The following CCDC148 variants were observed in gnomAD, a reference collection of about 807,000 sequenced individuals.
CCDC148 encodes coiled-coil domain-containing protein 148.
Under a neutral mutation model 85.7 loss-of-function variants are expected in CCDC148, and 89 were observed. That is an observed-to-expected ratio of 1.04 (90% confidence interval 0.87 to 1.24). CCDC148 has a LOEUF of 1.24. Among genes scored for constraint, CCDC148 ranks in the 50% most tolerant of loss-of-function variants. The probability of loss-of-function intolerance (pLI) is 0.00; values close to 1 mark genes in which losing one functional copy is unlikely to be tolerated. For synonymous variants in CCDC148, 230 were observed against 213.9 expected, an observed-to-expected ratio of 1.08 and a Z score of -0.66; for missense variants, 692 against 671.7, an observed-to-expected ratio of 1.03 and a Z score of -0.33.
intron 12 of CCDC148, among the ~76,000 whole-genome samples, chr2:158,178,546 T>C (rs925963060): frequency 6.6e-6 from 1 of 152,184 alleles, no homozygotes; most frequent in African/African-American, 2.4e-5. Flanking sequence ...CCAGGTTTTT[T>C]GAGGACAGTA....
chr2:158,227,199 A>G (rs1215474450), intron 10 of CCDC148, among the ~76,000 whole-genome samples: 1 of 152,032 alleles, frequency 6.6e-6, no homozygotes, highest in African/African-American at 2.4e-5. Context: ...GTGAACTCCC[A>G]TTCACAATTG....
intron 7 of CCDC148, among the ~76,000 whole-genome samples, chr2:158,319,278 C>T (rs1404663885): frequency 1.3e-5 from 2 of 152,168 alleles, no homozygotes; most frequent in African/African-American, 4.8e-5. Context: ...TGAGCCCCAT[C>T]TCCAGCCCTG....
chr2:158,454,266 T>A (rs1430005551), intron 1 of CCDC148, among the ~76,000 whole-genome samples: 1 of 152,048 alleles, frequency 6.6e-6, no homozygotes, highest in Non-Finnish European at 1.5e-5. Flanking sequence ...GGTGGTAGGG[T>A]AGAAGGAAGG....
intron 1 of CCDC148, among the ~76,000 whole-genome samples, chr2:158,427,297 G>A (rs1687121640): frequency 6.6e-6 from 1 of 152,262 alleles, no homozygotes; most frequent in African/African-American, 2.4e-5. Context: ...AAACCACTGA[G>A]TAATTCATCC....
chr2:158,306,097 TGGAGGTAGATG>T (rs1363619487), intron 9 of CCDC148, among the ~76,000 whole-genome samples: 1 of 152,170 alleles, frequency 6.6e-6, no homozygotes, highest in Admixed American at 6.5e-5. Flanking sequence ...TGCCAAAGGC[TGGAGGTAGATG>T]AAGGGTTGAC....
intron 10 of CCDC148, among the ~76,000 whole-genome samples, chr2:158,224,070 A>C (rs1242627874): frequency 6.6e-6 from 1 of 152,082 alleles, no homozygotes; most frequent in Non-Finnish European, 1.5e-5. Context: ...AAAAACCTTG[A>C]AAAAAAATTA....
chr2:158,295,309 G>C (rs555384782), intron 9 of CCDC148, among the ~76,000 whole-genome samples: 158 of 152,108 alleles, frequency 1.0e-3, no homozygotes, highest in African/African-American at 3.7e-3. Context: ...GGAGGAACTG[G>C]AACCATTCCC....
intron 1 of CCDC148, among the ~76,000 whole-genome samples, chr2:158,438,064 G>C (rs914409459): frequency 6.6e-6 from 1 of 152,116 alleles, no homozygotes; most frequent in Admixed American, 6.6e-5. Flanking sequence ...GTAATTTATA[G>C]ATTCAATGCC....
At chr2:158,454,374 G>T (rs921396326) in intron 1 of CCDC148, among the ~76,000 whole-genome samples, 5 of 152,222 alleles carry the variant, frequency 3.3e-5, no homozygotes, top group Admixed American at 2.0e-4. Context: ...AATCAATAGA[G>T]CAAAATCCTG....
intron 11 of CCDC148, among the ~76,000 whole-genome samples, chr2:158,198,958 G>A (rs926833693): frequency 9.9e-5 from 15 of 152,258 alleles, no homozygotes; most frequent in African/African-American, 3.4e-4. Context: ...CTTTTTAAGG[G>A]AGGAGACCAA....
intron 11 of CCDC148, among the ~76,000 whole-genome samples, chr2:158,201,335 T>G (rs1385751981): frequency 6.6e-6 from 1 of 152,140 alleles, no homozygotes; most frequent in Non-Finnish European, 1.5e-5. Flanking sequence ...CAGTGAAGTT[T>G]AGGATTTCGT....
At chr2:158,452,318 G>A (rs1372830818) in intron 1 of CCDC148, among the ~76,000 whole-genome samples, 1 of 152,156 alleles carries the variant, frequency 6.6e-6, no homozygotes, top group Non-Finnish European at 1.5e-5. Flanking sequence ...GATAAATAAG[G>A]GTTGTCTAGT....
At position 158,213,698 on chromosome 2, in the gene CCDC148, T is replaced by A. The variant is rs181252197; in HGVS notation, c.1370+6897A>T. 9.9e-5 allele frequency among the ~76,000 whole-genome samples: 15 copies of A among 152,240 alleles called. No homozygotes were observed. In the East Asian group the frequency reaches 2.9e-3, roughly 29 times the overall value. On this transcript the variant is annotated intron_variant, in intron 11 of 13. Transcript: ENST00000283233. ...ACAAATGAGATATGACCGTTACATA[T>A]CCTAGCTTTCTACTCCTCCCTGTGT...
At chr2:158,290,114 T>C (rs1213590841) in intron 9 of CCDC148, among the ~76,000 whole-genome samples, 1 of 151,972 alleles carries the variant, frequency 6.6e-6, no homozygotes, top group African/African-American at 2.4e-5. Context: ...CTGGGAGACA[T>C]GTGAGATGCA....
At chr2:158,362,694 T>TA (rs536987723) in intron 1 of CCDC148, among the ~76,000 whole-genome samples, 100 of 152,222 alleles carry the variant, frequency 6.6e-4, no homozygotes, top group Non-Finnish European at 1.2e-3. Flanking sequence ...TTGATAGCAC[T>TA]AAATGCCCAC....
intron 9 of CCDC148, among the ~76,000 whole-genome samples, chr2:158,301,522 A>T (rs1691440969): frequency 6.6e-6 from 1 of 152,244 alleles, no homozygotes; most frequent in Non-Finnish European, 1.5e-5. Flanking sequence ...ATCTGAGAGC[A>T]GTTATAGCAT....
intron 11 of CCDC148, among the ~76,000 whole-genome samples, chr2:158,214,607 A>T (rs576227729): frequency 6.6e-6 from 1 of 152,218 alleles, no homozygotes; most frequent in African/African-American, 2.4e-5. Flanking sequence ...AACCCTGATG[A>T]CATGAGTCAT....
chr2:158,303,164 G>A (rs555102799), intron 9 of CCDC148, among the ~76,000 whole-genome samples: 7 of 152,246 alleles, frequency 4.6e-5, no homozygotes, highest in Non-Finnish European at 8.8e-5. Context: ...CCAAGGCTGA[G>A]AACAAAATTA....
At chr2:158,245,205 A>G (rs974347468) in intron 10 of CCDC148, among the ~76,000 whole-genome samples, 1 of 152,008 alleles carries the variant, frequency 6.6e-6, no homozygotes, top group African/African-American at 2.4e-5. Flanking sequence ...TTTGTTTTAG[A>G]CTATTTCTCC....
Sources: allele counts gnomAD v4.1 joint callset (sites outside exome capture counted in the v4.1 genomes callset), GRCh38; gene constraint gnomAD v4.1.1; transcripts MANE v1.5; gene names NCBI Gene and HGNC (gene_info 2026-07-23, HGNC 2026-07-21).